Variants in SCHIP1 observed in about 807,000 individuals in gnomAD.
SCHIP1 encodes schwannomin interacting protein 1, also known as schwannomin-interacting protein 1.
A neutral mutation model predicts 29.7 loss-of-function variants in SCHIP1; 8 were observed. That is an observed-to-expected ratio of 0.27 (90% CI 0.16 to 0.49). The LOEUF is 0.49. Among genes scored for constraint, SCHIP1 ranks in the 20% least tolerant of loss-of-function variants. The pLI, the probability that SCHIP1 is intolerant of heterozygous loss-of-function variation, is 0.99. For synonymous variants in SCHIP1, 76 were observed against 94.9 expected (o/e 0.80, Z 1.16); for missense variants, 193 against 294.6 (o/e 0.66, Z 2.52).
the SCHIP1 span, among the ~76,000 whole-genome samples, chr3:159,532,139 ACAAT>A: frequency 3.9e-5 from 6 of 152,214 alleles, no homozygotes; most frequent in Admixed American, 3.3e-4. Flanking sequence ...CTGTGGAGTA[ACAAT>A]CAAGTGGAAA....
chr3:159,364,874 C>G, the SCHIP1 span, among the ~76,000 whole-genome samples: 3 of 152,158 alleles, frequency 2.0e-5, no homozygotes, highest in Non-Finnish European at 4.4e-5. Flanking sequence ...TCATCAGATA[C>G]TTTCATAGCT....
the SCHIP1 span, among the ~76,000 whole-genome samples, chr3:159,712,553 CA>C: frequency 1.1e-3 from 144 of 131,066 alleles, no homozygotes; most frequent in African/African-American, 1.9e-3. Context: ...CCTGTCACTA[CA>C]AAAAAAAAAA....
the SCHIP1 span, among the ~76,000 whole-genome samples, chr3:159,315,018 T>C: frequency 1.3e-5 from 2 of 152,204 alleles, no homozygotes; most frequent in African/African-American, 4.8e-5. Flanking sequence ...CATGTACATA[T>C]AGCCAAGAAT....
chr3:159,555,410 G>T, the SCHIP1 span, among the ~76,000 whole-genome samples: 9 of 152,288 alleles, frequency 5.9e-5, no homozygotes, highest in South Asian at 1.5e-3. Flanking sequence ...GTTACACAGG[G>T]TTCAGAGCTG....
At chr3:159,620,046 A>G in the SCHIP1 span, among the ~76,000 whole-genome samples, 1 of 152,232 alleles carries the variant, frequency 6.6e-6, no homozygotes, top group Non-Finnish European at 1.5e-5. Context: ...ATACTGACTC[A>G]GTCTAGGACC....
At chr3:159,710,908 C>T in the SCHIP1 span, among the ~76,000 whole-genome samples, 3 of 152,154 alleles carry the variant, frequency 2.0e-5, no homozygotes, top group Non-Finnish European at 4.4e-5. Context: ...GTCAGCCCTT[C>T]AGGTAGCCTC....
At chr3:159,491,009 G>T in the SCHIP1 span, among the ~76,000 whole-genome samples, 1 of 152,140 alleles carries the variant, frequency 6.6e-6, no homozygotes, top group Non-Finnish European at 1.5e-5. Flanking sequence ...ACATGTTTAT[G>T]AACTCATTAA....
At chr3:159,599,405 C>CCA in the SCHIP1 span, among the ~76,000 whole-genome samples, 2 of 152,072 alleles carry the variant, frequency 1.3e-5, no homozygotes, top group South Asian at 4.2e-4. Context: ...TATCCCTCAC[C>CCA]CACCTCCTGC....
chr3:159,697,569 A>G, the SCHIP1 span, among the ~76,000 whole-genome samples: 1 of 152,178 alleles, frequency 6.6e-6, no homozygotes, highest in Admixed American at 6.5e-5. Context: ...TGGTAATTTT[A>G]TTGAATTTAA....
chr3:159,300,069 C>A, the SCHIP1 span, among the ~76,000 whole-genome samples: 4 of 143,738 alleles, frequency 2.8e-5, no homozygotes, highest in Admixed American at 1.4e-4. Context: ...TTGTCTGTAG[C>A]CCTCTCAATT....
the SCHIP1 span, among the ~76,000 whole-genome samples, chr3:159,470,908 G>A: frequency 6.6e-6 from 1 of 152,176 alleles, no homozygotes; most frequent in Non-Finnish European, 1.5e-5. Flanking sequence ...TCTCATGTAT[G>A]ATTCCATTTA....
the SCHIP1 span, among the ~76,000 whole-genome samples, chr3:159,396,952 G>C: frequency 1.4e-5 from 2 of 144,316 alleles, no homozygotes; most frequent in African/African-American, 4.9e-5. Context: ...TCACTTTCAG[G>C]TACAGCAATC....
At chr3:159,282,398 G>A in the SCHIP1 span, among the ~76,000 whole-genome samples, 51 of 151,488 alleles carry the variant, frequency 3.4e-4, no homozygotes, top group Non-Finnish European at 5.8e-4. Context: ...TAAATATTAC[G>A]TATATATTAT....
At chr3:159,369,464 G>A in the SCHIP1 span, among the ~76,000 whole-genome samples, 1 of 152,008 alleles carries the variant, frequency 6.6e-6, no homozygotes, top group Non-Finnish European at 1.5e-5. Context: ...AGAGAGATAT[G>A]CAATCAACAT....
At chr3:159,382,676 C>T in the SCHIP1 span, among the ~76,000 whole-genome samples, 39 of 150,798 alleles carry the variant, frequency 2.6e-4, no homozygotes, top group Middle Eastern at 3.4e-3. Flanking sequence ...CCTGAGGAAT[C>T]GCCACACTGA....
the SCHIP1 span, among the ~76,000 whole-genome samples, chr3:159,618,723 G>A: frequency 0.059 from 9,018 of 152,284 alleles, 906 homozygotes; most frequent in African/African-American, 0.2. Flanking sequence ...ATTGTTTTCC[G>A]TATAGAGTTG....
the SCHIP1 span, among the ~76,000 whole-genome samples, chr3:159,828,388 C>CGTATATATATACGT: frequency 1.9e-3 from 125 of 65,372 alleles, 14 homozygotes; most frequent in African/African-American, 5.3e-3. Flanking sequence ...TATATATATA[C>CGTATATATATACGT]ATATATACGT....
chr3:159,550,539 T>G, the SCHIP1 span, among the ~76,000 whole-genome samples: 42,724 of 152,078 alleles, frequency 0.28, 6,270 homozygotes, highest in East Asian at 0.4. Flanking sequence ...AGCTTTCTTT[T>G]GCTTAGTGTT....
chr3:159,607,938 C>T, the SCHIP1 span, among the ~76,000 whole-genome samples: 3 of 152,068 alleles, frequency 2.0e-5, no homozygotes, highest in Non-Finnish European at 1.5e-5. Context: ...CACGGGAAGT[C>T]GGCAGTGTGG....
Sources: gnomAD v4.1 joint callset for allele counts (sites outside exome capture counted in the v4.1 genomes callset) on GRCh38, gnomAD v4.1.1 for gene constraint, MANE v1.5 for transcripts, NCBI Gene and HGNC (gene_info 2026-07-23, HGNC 2026-07-21) for gene names.